TRDN: variants seen among roughly 807,000 people sequenced by gnomAD.
The protein encoded by TRDN is triadin in skeletal muscle.
A neutral mutation model predicts 149.7 loss-of-function variants in TRDN; 161 were observed. The ratio of observed to expected loss-of-function variants is 1.08; its 90% CI spans 0.95 to 1.23. The LOEUF (loss-of-function observed/expected upper bound fraction) is 1.23. TRDN is among the 50% of genes most tolerant of loss of function. The pLI, the probability that TRDN is intolerant of heterozygous loss-of-function variation, is 0.00. For missense variants in TRDN, 896 were observed against 823.5 expected (o/e 1.09, Z -1.08); for synonymous variants, 294 against 250.5 (o/e 1.17, Z -1.64).
At chr6:123,219,347 G>A (rs1414528121) in intron 40 of TRDN, among the ~76,000 whole-genome samples, 1 of 151,834 alleles carries the variant, frequency 6.6e-6, no homozygotes, top group East Asian at 1.9e-4. Context: ...TCTGGACTCA[G>A]TAAGCCGGTG....
intron 20 of TRDN, among the ~76,000 whole-genome samples, chr6:123,353,165 A>G (rs1780530972): frequency 6.6e-6 from 1 of 151,900 alleles, no homozygotes; most frequent in Admixed American, 6.6e-5. Flanking sequence ...AAAGTAGAAC[A>G]GTACAAATGA....
intron 12 of TRDN, among the ~76,000 whole-genome samples, chr6:123,420,286 C>T (rs1234137534): frequency 6.6e-6 from 1 of 152,012 alleles, no homozygotes; most frequent in African/African-American, 2.4e-5. Flanking sequence ...AATGACTGTC[C>T]TCTGACATGC....
At chr6:123,237,258 GT>G (rs199820474) in intron 38 of TRDN, among the ~76,000 whole-genome samples, 1 of 150,338 alleles carries the variant, frequency 6.7e-6, no homozygotes, top group Non-Finnish European at 1.5e-5. Flanking sequence ...CTACTACTTT[GT>G]TTTTTTTTGA....
chr6:123,336,444 A>G lies in TRDN; in HGVS notation c.1420+1175T>C, dbSNP rs549733232. Among the ~76,000 whole-genome samples the G allele has an allele frequency of 5.4e-4, 82 of 152,100 alleles. 1 individual carries two copies. In the Middle Eastern group the frequency reaches 0.031, roughly 57 times the overall value. Reference sequence around the variant, plus strand: ...ACTTTTGGACTTCCTCCAAACAATTACCACACCTTTAAAGGCAAACTCTTC... The same window carrying G: ...ACTTTTGGACTTCCTCCAAACAATTGCCACACCTTTAAAGGCAAACTCTTC... On this transcript the variant is annotated intron_variant, in intron 22 of 40. Coordinates refer to ENST00000334268, the MANE Select transcript of TRDN (RefSeq NM_006073.4).
At chr6:123,562,937 T>G (rs1163635824) in intron 2 of TRDN, among the ~76,000 whole-genome samples, 1 of 152,178 alleles carries the variant, frequency 6.6e-6, no homozygotes, top group East Asian at 1.9e-4. Flanking sequence ...TCCTTGCTTT[T>G]CAATATCTGA....
intron 13 of TRDN, among the ~76,000 whole-genome samples, chr6:123,392,036 T>C (rs904543743): frequency 6.6e-6 from 1 of 152,104 alleles, no homozygotes; most frequent in Non-Finnish European, 1.5e-5. Flanking sequence ...GTGTGTCATT[T>C]TTATTTTAGT....
At chr6:123,257,226 C>T (rs1282701991) in intron 35 of TRDN, among the ~76,000 whole-genome samples, 1 of 152,146 alleles carries the variant, frequency 6.6e-6, no homozygotes, top group African/African-American at 2.4e-5. Context: ...GATCCGCCCA[C>T]ATCAGCCTCC....
chr6:123,598,635 T>C (rs927896201), intron 1 of TRDN, among the ~76,000 whole-genome samples: 1 of 152,106 alleles, frequency 6.6e-6, no homozygotes, highest in Non-Finnish European at 1.5e-5. Context: ...TCAAGTTTAT[T>C]GGAACATAGC....
intron 9 of TRDN, among the ~76,000 whole-genome samples, chr6:123,466,408 A>G (rs1187337283): frequency 6.6e-6 from 1 of 152,130 alleles, no homozygotes. Context: ...CTCATTTTAT[A>G]GTTTTTAAAA....
chr6:123,400,752 C>A (rs1162684427), intron 12 of TRDN, among the ~76,000 whole-genome samples: 1 of 152,120 alleles, frequency 6.6e-6, no homozygotes, highest in African/African-American at 2.4e-5. Context: ...CTTAAAAAAC[C>A]AGCCCCTTTT....
chr6:123,229,898 C>T (rs1411882290), intron 38 of TRDN, among the ~76,000 whole-genome samples: 1 of 151,934 alleles, frequency 6.6e-6, no homozygotes, highest in African/African-American at 2.4e-5. Flanking sequence ...ATGCAGATTT[C>T]TCATTCTCAG....
chr6:123,335,196 A>G (rs536011710), intron 22 of TRDN, among the ~76,000 whole-genome samples: 72 of 151,970 alleles, frequency 4.7e-4, no homozygotes, highest in Admixed American at 3.2e-3. Context: ...CTAAAACAGT[A>G]TTCGACTTAT....
rs563700256 is a variant in TRDN at position 123,474,849 on chromosome 6, C to A, written c.854-9866G>T. Among the ~76,000 whole-genome samples, 4 of 152,082 alleles carry A rather than the reference C, an allele frequency of 2.6e-5. 1 individual carries two copies. The South Asian group carries it at 8.3e-4, about 32-fold the overall frequency. On this transcript the variant is annotated intron_variant, in intron 9 of 40. Coordinates refer to ENST00000334268, the MANE Select transcript of TRDN (RefSeq NM_006073.4). Reference sequence around the variant, plus strand: ...TACTGGGTACATAACGAAATGAAGGCAGTAATAAAGATGTTCTTTGAAACC... The same window carrying A: ...TACTGGGTACATAACGAAATGAAGGAAGTAATAAAGATGTTCTTTGAAACC...
rs187205218 is a variant in TRDN at position 123,406,981 on chromosome 6, C to A, written c.1052-13304G>T. ...AAAAGAAACCCACAATACCTTCCCA[C>A]CTTCAGGCTCCAAGCTCAGGGTGCT... On this transcript the variant is annotated intron_variant, in intron 12 of 40. Transcript: ENST00000334268. 1.5e-3 allele frequency among the ~76,000 whole-genome samples: 229 copies of A among 152,168 alleles called. 1 individual carries two copies. Among genetic ancestry groups the A allele is most frequent in the African/African-American group, 5.1e-3 (212 of 41,498 alleles).
chr6:123,309,767 AT>A (rs1189675334), intron 24 of TRDN, among the ~76,000 whole-genome samples: 4 of 152,002 alleles, frequency 2.6e-5, no homozygotes, highest in Admixed American at 6.6e-5. Flanking sequence ...ATATAAAAAA[AT>A]AAAGAGGTAT....
At chr6:123,310,036 C>T (rs1465083591) in intron 24 of TRDN, among the ~76,000 whole-genome samples, 1 of 151,986 alleles carries the variant, frequency 6.6e-6, no homozygotes, top group Non-Finnish European at 1.5e-5. Flanking sequence ...GCCTCTCTTG[C>T]TACTATTGTG....
rs150623706 is a variant in TRDN at position 123,451,600 on chromosome 6, C to A, written c.932-12597G>T. 4.1e-3 allele frequency among the ~76,000 whole-genome samples: 628 copies of A among 151,902 alleles called. 1 individual carries two copies. Among genetic ancestry groups the A allele is most frequent in the African/African-American group, 0.015 (611 of 41,496 alleles). On this transcript the variant is annotated intron_variant, in intron 10 of 40. Coordinates refer to ENST00000334268, the MANE Select transcript of TRDN (RefSeq NM_006073.4). ...CAATAACAAGCAGCAAGACTGAAATCATAATTTAAAAATTACCAACAAAAA... is the reference window on the plus strand; with the variant it reads ...CAATAACAAGCAGCAAGACTGAAATAATAATTTAAAAATTACCAACAAAAA...
At chr6:123,612,265 G>C (rs1161550035) in intron 1 of TRDN, among the ~76,000 whole-genome samples, 2 of 90,888 alleles carry the variant, frequency 2.2e-5, no homozygotes, top group Non-Finnish European at 4.0e-5. Flanking sequence ...TATCTGGGGT[G>C]GGGGGAGGGG....
At chr6:123,542,642 T>C (rs1288781466) in intron 4 of TRDN, among the ~76,000 whole-genome samples, 2 of 152,204 alleles carry the variant, frequency 1.3e-5, no homozygotes, top group African/African-American at 4.8e-5. Flanking sequence ...GTGTATCTGT[T>C]AAGTTGCACT....
Sources: gnomAD v4.1 joint callset for allele counts (sites outside exome capture counted in the v4.1 genomes callset) on GRCh38, gnomAD v4.1.1 for gene constraint, MANE v1.5 for transcripts, NCBI Gene and HGNC (gene_info 2026-07-23, HGNC 2026-07-21) for gene names.